The following PCDH11X variants were observed in gnomAD, a reference collection of about 807,000 sequenced individuals.
The protein encoded by PCDH11X is protocadherin 11 X-linked.
A neutral mutation model predicts 53.3 loss-of-function variants in PCDH11X; 18 were observed. That is an observed-to-expected ratio of 0.34 (90% CI 0.23 to 0.50). The LOEUF (loss-of-function observed/expected upper bound fraction) is 0.50. PCDH11X is among the 20% of genes least tolerant of loss of function. The pLI is 0.98. For synonymous variants in PCDH11X, 279 were observed against 393.3 expected (o/e 0.71, Z 3.44); for missense variants, 570 against 1,032.4 (o/e 0.55, Z 6.14).
intron 1 of PCDH11X, among the ~76,000 whole-genome samples, chrX:91,803,250 C>T (rs1370215964): frequency 9.0e-6 from 1 of 111,045 alleles, no homozygotes; most frequent in Non-Finnish European, 1.9e-5. Flanking sequence ...ATTATAGAAA[C>T]ATACGGAATG....
chrX:91,949,872 C>A (rs4893293), intron 6 of PCDH11X, among the ~76,000 whole-genome samples: 47,518 of 102,801 alleles, frequency 0.46, 8,792 homozygotes, highest in East Asian at 0.65. Context: ...TGGGATTTTC[C>A]TAAGCAGACA....
In PCDH11X at chrX:92,164,824, T is replaced by G. The variant is rs758472325; in HGVS notation, c.3034-36551T>G. On this transcript the variant is annotated intron_variant, in intron 6 of 10. Coordinates refer to ENST00000682573, the MANE Select transcript of PCDH11X (RefSeq NM_032968.5). ...TTGACTTATGGGGGCAGGTCTTTCC[T>G]GCACTGTTCTTGTGATAGTGAATGA... Among the ~76,000 whole-genome samples the G allele has an allele frequency of 2.7e-5, 3 of 109,937 alleles. No homozygotes were observed. The East Asian group carries it at 8.7e-4, about 32-fold the overall frequency.
At chrX:92,260,608 A>C (rs2067696035) in intron 7 of PCDH11X, among the ~76,000 whole-genome samples, 1 of 110,487 alleles carries the variant, frequency 9.1e-6, no homozygotes, top group South Asian at 3.9e-4. Flanking sequence ...TTTTCTGTGT[A>C]GACAGTTGTT....
At chrX:92,503,806 C>A (rs1313414692) in intron 10 of PCDH11X, among the ~76,000 whole-genome samples, 2 of 110,892 alleles carry the variant, frequency 1.8e-5, no homozygotes, top group African/African-American at 3.3e-5. Flanking sequence ...GTGCAGTAAA[C>A]CACCATGGCA....
chrX:92,496,882 C>T (rs2073869958), intron 10 of PCDH11X, among the ~76,000 whole-genome samples: 1 of 108,210 alleles, frequency 9.2e-6, no homozygotes, highest in Non-Finnish European at 1.9e-5. Flanking sequence ...AGTTAGTTCT[C>T]AGTCATTAGC....
chrX:92,045,799 G>C (rs951694117), intron 6 of PCDH11X, among the ~76,000 whole-genome samples: 30 of 109,212 alleles, frequency 2.7e-4, no homozygotes, highest in Non-Finnish European at 3.8e-5. Flanking sequence ...AATCAGCCAG[G>C]CGTAGTGGTG....
intron 7 of PCDH11X, among the ~76,000 whole-genome samples, chrX:92,211,083 T>C (rs887536345): frequency 1.1e-4 from 12 of 111,785 alleles, no homozygotes; most frequent in African/African-American, 3.9e-4. Flanking sequence ...CTGGTACCAA[T>C]TTTCTGTATG....
chrX:92,116,438 G>A (rs970840269), intron 6 of PCDH11X, among the ~76,000 whole-genome samples: 16 of 112,229 alleles, frequency 1.4e-4, no homozygotes, highest in Admixed American at 2.8e-4. Context: ...TTTTAATAGC[G>A]TTGGAGGCCA....
intron 6 of PCDH11X, among the ~76,000 whole-genome samples, chrX:91,898,044 G>T (rs1940814818): frequency 9.0e-6 from 1 of 110,988 alleles, no homozygotes; most frequent in Admixed American, 9.7e-5. Flanking sequence ...TGAACCTCAG[G>T]ATCTTCATCT....
At chrX:92,138,932 A>G (rs1243826860) in intron 6 of PCDH11X, among the ~76,000 whole-genome samples, 2 of 109,700 alleles carry the variant, frequency 1.8e-5, no homozygotes, top group Non-Finnish European at 3.8e-5. Context: ...TATGTTTCTT[A>G]CCACCAATTT....
At chrX:91,926,808 T>G (rs1400483242) in intron 6 of PCDH11X, among the ~76,000 whole-genome samples, 1 of 111,111 alleles carries the variant, frequency 9.0e-6, no homozygotes, top group East Asian at 2.8e-4. Context: ...CAGTTATCAT[T>G]TCTTTGTGTT....
At chrX:91,985,835 C>A (rs2062220014) in intron 6 of PCDH11X, among the ~76,000 whole-genome samples, 1 of 109,146 alleles carries the variant, frequency 9.2e-6, no homozygotes, top group Non-Finnish European at 1.9e-5. Context: ...TAAATTAATT[C>A]AGAATAAAAC....
chrX:92,160,110 A>G (rs1196406481), intron 6 of PCDH11X, among the ~76,000 whole-genome samples: 1 of 106,758 alleles, frequency 9.4e-6, no homozygotes, highest in Non-Finnish European at 1.9e-5. Flanking sequence ...TTGTTTATTT[A>G]TTTTGGTCTG....
intron 8 of PCDH11X, among the ~76,000 whole-genome samples, chrX:92,379,914 T>A (rs2754863): frequency 0.34 from 29,342 of 86,441 alleles, 6,079 homozygotes; most frequent in Non-Finnish European, 0.4. Context: ...TGGACACAGG[T>A]CTCAGGACCC....
intron 8 of PCDH11X, among the ~76,000 whole-genome samples, chrX:92,338,301 G>C (rs2069668710): frequency 9.0e-6 from 1 of 111,475 alleles, no homozygotes; most frequent in Non-Finnish European, 1.9e-5. Context: ...GAGAGTTTAG[G>C]CTACACTCTG....
intron 10 of PCDH11X, among the ~76,000 whole-genome samples, chrX:92,614,206 A>G (rs1303194879): frequency 9.0e-6 from 1 of 111,229 alleles, no homozygotes; most frequent in Non-Finnish European, 1.9e-5. Flanking sequence ...CACTGCATTC[A>G]TATTTTTCAT....
intron 4 of PCDH11X, among the ~76,000 whole-genome samples, chrX:91,816,091 G>A (rs1167808057): frequency 2.7e-5 from 3 of 110,475 alleles, no homozygotes. Flanking sequence ...TTGCACCACT[G>A]CACTCCAGCC....
intron 6 of PCDH11X, among the ~76,000 whole-genome samples, chrX:92,176,352 AG>A (rs1413104228): frequency 8.9e-6 from 1 of 111,991 alleles, no homozygotes; most frequent in African/African-American, 3.2e-5. Flanking sequence ...AGATATTTTC[AG>A]GCAACGTGCT....
chrX:91,806,633 A>C (rs1169236338), intron 1 of PCDH11X, among the ~76,000 whole-genome samples: 1 of 112,656 alleles, frequency 8.9e-6, no homozygotes, highest in Non-Finnish European at 1.9e-5. Context: ...GCAAGTTACA[A>C]TTTGAGTTTA....
Sources: allele counts gnomAD v4.1 joint callset (sites outside exome capture counted in the v4.1 genomes callset), GRCh38; gene constraint gnomAD v4.1.1; transcripts MANE v1.5; gene names NCBI Gene and HGNC (gene_info 2026-07-23, HGNC 2026-07-21).